The following ALK variants were observed in gnomAD, a reference collection of about 807,000 sequenced individuals.
ALK encodes ALK tyrosine kinase receptor.
A neutral mutation model predicts 163.1 loss-of-function variants in ALK; 74 were observed. That is an observed-to-expected ratio of 0.45 (90% CI 0.38 to 0.55). The LOEUF (loss-of-function observed/expected upper bound fraction) is 0.55. ALK is among the 20% of genes least tolerant of loss of function. The probability of loss-of-function intolerance (pLI) is 0.00; values close to 1 mark genes in which losing one functional copy is unlikely to be tolerated. For synonymous variants in ALK, 960 were observed against 843.2 expected (o/e 1.14, Z -2.40); for missense variants, 2,063 against 2,105.3 (o/e 0.98, Z 0.39).
intron 4 of ALK, among the ~76,000 whole-genome samples, chr2:29,471,244 A>G (rs1350521658): frequency 1.3e-5 from 2 of 152,114 alleles, no homozygotes; most frequent in Non-Finnish European, 2.9e-5. Context: ...TTTCACACAA[A>G]CTCTTAGCAG....
At chr2:29,612,383 C>CT (rs1452638291) in intron 3 of ALK, among the ~76,000 whole-genome samples, 2 of 152,156 alleles carry the variant, frequency 1.3e-5, no homozygotes, top group African/African-American at 4.8e-5. Context: ...GCATTTTACT[C>CT]TGCTTCCTTG....
intron 1 of ALK, among the ~76,000 whole-genome samples, chr2:29,778,258 A>G (rs1681233586): frequency 6.6e-6 from 1 of 152,190 alleles, no homozygotes; most frequent in Admixed American, 6.5e-5. Context: ...AGCGAATCCA[A>G]TGCTGTTGAT....
At chr2:29,429,445 A>G (rs1670222431) in intron 4 of ALK, among the ~76,000 whole-genome samples, 1 of 152,056 alleles carries the variant, frequency 6.6e-6, no homozygotes, top group Non-Finnish European at 1.5e-5. Flanking sequence ...TAAAGTGGCA[A>G]TGTACAATTC....
intron 3 of ALK, among the ~76,000 whole-genome samples, chr2:29,603,501 TTAA>T (rs1675434915): frequency 1.3e-5 from 2 of 152,184 alleles, no homozygotes; most frequent in African/African-American, 4.8e-5. Flanking sequence ...TGTTTTCATG[TTAA>T]TGCCAGTTAG....
intron 11 of ALK, among the ~76,000 whole-genome samples, chr2:29,256,746 G>A (rs372660746): frequency 2.0e-5 from 3 of 152,208 alleles, no homozygotes; most frequent in African/African-American, 7.2e-5. Flanking sequence ...CTATACTGAG[G>A]TGAGTGGACC....
At chr2:29,652,000 G>C (rs1435249666) in intron 3 of ALK, among the ~76,000 whole-genome samples, 1 of 152,094 alleles carries the variant, frequency 6.6e-6, no homozygotes, top group East Asian at 1.9e-4. Context: ...AGAGTGTTCT[G>C]CTCAGTTCTG....
At chr2:29,228,781 A>G in intron 16 of ALK, 103 bp downstream of exon 16, 3 of 807,068 alleles carry the variant, frequency 3.7e-6, no homozygotes, top group Non-Finnish European at 6.5e-6. Flanking sequence ...CACAGTCCAC[A>G]CTTGGGCAGG....
chr2:29,619,931 C>G (rs924839740), intron 3 of ALK, among the ~76,000 whole-genome samples: 1 of 152,154 alleles, frequency 6.6e-6, no homozygotes, highest in African/African-American at 2.4e-5. Flanking sequence ...TGAGGGGCAT[C>G]GAGCTAGGGC....
chr2:29,367,745 G>T (rs1014239465), intron 5 of ALK, among the ~76,000 whole-genome samples: 2 of 152,084 alleles, frequency 1.3e-5, no homozygotes. Context: ...TATTATTATT[G>T]TTATTATTGT....
chr2:29,376,574 G>A (rs1301799591), intron 5 of ALK, among the ~76,000 whole-genome samples: 1 of 152,248 alleles, frequency 6.6e-6, no homozygotes, highest in African/African-American at 2.4e-5. Flanking sequence ...ATGAGTGGAT[G>A]CATGGATGGA....
intron 1 of ALK, among the ~76,000 whole-genome samples, chr2:29,872,970 A>G (rs2148413401): frequency 6.6e-6 from 1 of 152,358 alleles, no homozygotes; most frequent in East Asian, 1.9e-4. Flanking sequence ...CAAGTGGTTT[A>G]AGAGACACAC....
intron 6 of ALK, among the ~76,000 whole-genome samples, chr2:29,325,437 C>A (rs1055934260): frequency 2.0e-5 from 3 of 152,200 alleles, no homozygotes; most frequent in African/African-American, 7.2e-5. Flanking sequence ...CTGCTTGTTT[C>A]TCAGACCTCA....
intron 4 of ALK, among the ~76,000 whole-genome samples, chr2:29,512,893 T>G (rs1672561888): frequency 7.1e-6 from 1 of 140,822 alleles, no homozygotes; most frequent in African/African-American, 2.7e-5. Flanking sequence ...GAACTCCCAT[T>G]CACAATTGCT....
At chr2:29,456,107 T>C (rs1319925422) in intron 4 of ALK, among the ~76,000 whole-genome samples, 4 of 152,182 alleles carry the variant, frequency 2.6e-5, no homozygotes, top group African/African-American at 9.6e-5. Flanking sequence ...GGAACCCTCG[T>C]GCATTGCTGC....
At chr2:29,767,289 T>TGCAACTTTTTAAAG (rs1389708117) in intron 1 of ALK, among the ~76,000 whole-genome samples, 1 of 152,250 alleles carries the variant, frequency 6.6e-6, no homozygotes, top group Non-Finnish European at 1.5e-5. Flanking sequence ...TAATGTTTAC[T>TGCAACTTTTTAAAG]GCAACTTTTT....
chr2:29,336,511 A>C (rs1667618505), intron 5 of ALK, among the ~76,000 whole-genome samples: 1 of 152,134 alleles, frequency 6.6e-6, no homozygotes, highest in Non-Finnish European at 1.5e-5. Flanking sequence ...ATATAGTAGA[A>C]ATTAGTTCAG....
rs67420448 is a variant in ALK, at chr2:29,475,542, G to T, written c.1154+56373C>A. Among the ~76,000 whole-genome samples, 8 of 152,108 alleles carry T rather than the reference G, an allele frequency of 5.3e-5. 1 individual carries two copies. The South Asian group carries it at 1.5e-3, about 28-fold the overall frequency. On this transcript the variant is annotated intron_variant, in intron 4 of 28. Transcript: ENST00000389048. ...GAACAGTCTCGGGCCCGCCGGACGA[G>T]GCTGCATCTCCAGGCCCTCCCAGAC...
intron 1 of ALK, among the ~76,000 whole-genome samples, chr2:29,897,505 G>A (rs1424529622): frequency 6.6e-6 from 1 of 152,160 alleles, no homozygotes; most frequent in African/African-American, 2.4e-5. Flanking sequence ...ATCAGAGTGG[G>A]AGGTGGTGGG....
chr2:29,589,452 C>T (rs6704634), intron 3 of ALK, among the ~76,000 whole-genome samples: 8,660 of 152,156 alleles, frequency 0.057, 606 homozygotes, highest in African/African-American at 0.16. Context: ...TGTGGTGGTC[C>T]TGAGTTTGTA....
Sources: allele counts gnomAD v4.1 joint callset (sites outside exome capture counted in the v4.1 genomes callset), GRCh38; gene constraint gnomAD v4.1.1; transcripts MANE v1.5; gene names NCBI Gene and HGNC (gene_info 2026-07-23, HGNC 2026-07-21).